Variants in EML5 observed in about 807,000 individuals in gnomAD.
EML5 encodes EMAP like 5.
Under a neutral mutation model 250.0 loss-of-function variants are expected in EML5, and 120 were observed. That is an observed-to-expected ratio of 0.48 (90% CI 0.41 to 0.56). The LOEUF (loss-of-function observed/expected upper bound fraction) is 0.56, where lower values mean the gene tolerates loss of function less well. Among genes scored for constraint, EML5 ranks in the 20% least tolerant of loss-of-function variants. The pLI is 0.00. For missense variants in EML5, 2,006 were observed against 2,437.6 expected, an observed-to-expected ratio of 0.82 and a Z score of 3.73; for synonymous variants, 771 against 806.5, an observed-to-expected ratio of 0.96 and a Z score of 0.75.
intron 14 of EML5, among the ~76,000 whole-genome samples, chr14:88,701,951 C>T (rs2093219901): frequency 6.6e-6 from 1 of 151,994 alleles, no homozygotes; most frequent in Admixed American, 6.6e-5. Context: ...TAAGAATATC[C>T]ATATAGAGAG....
chr14:88,744,485 C>T (rs1189900781), intron 3 of EML5, among the ~76,000 whole-genome samples: 1 of 151,870 alleles, frequency 6.6e-6, no homozygotes, highest in African/African-American at 2.4e-5. Flanking sequence ...ATAAGAAACA[C>T]CTTTATAGCT....
intron 21 of EML5, among the ~76,000 whole-genome samples, chr14:88,673,177 G>C (rs1006032938): frequency 1.3e-5 from 2 of 152,096 alleles, no homozygotes; most frequent in Non-Finnish European, 2.9e-5. Flanking sequence ...GCACATCAAA[G>C]ATTATCCACC....
chr14:88,659,361 C>A (rs1439338720), intron 25 of EML5, among the ~76,000 whole-genome samples: 1 of 152,042 alleles, frequency 6.6e-6, no homozygotes, highest in Non-Finnish European at 1.5e-5. Flanking sequence ...CAGGGACCCG[C>A]CACCGTGCCC....
At chr14:88,664,253 G>C (rs2092234053) in intron 23 of EML5, among the ~76,000 whole-genome samples, 1 of 147,682 alleles carries the variant, frequency 6.8e-6, no homozygotes, top group South Asian at 2.2e-4. Flanking sequence ...TTCCAGCCTG[G>C]GTGACAGAGT....
At chr14:88,692,047 G>A (rs1473417179) in intron 17 of EML5, among the ~76,000 whole-genome samples, 2 of 152,100 alleles carry the variant, frequency 1.3e-5, no homozygotes, top group African/African-American at 4.8e-5. Flanking sequence ...TTGCATCTGT[G>A]GATTTAATAA....
intron 33 of EML5, among the ~76,000 whole-genome samples, chr14:88,633,022 T>TA (rs1271579799): frequency 2.6e-5 from 4 of 152,168 alleles, no homozygotes; most frequent in Non-Finnish European, 5.9e-5. Flanking sequence ...CTGTTCAATG[T>TA]AATAAACTAA....
At position 88,746,203 on chromosome 14, in the gene EML5, A is replaced by G; in HGVS notation, c.438T>C (p.Ala146=). Residue 146 remains alanine, a synonymous_variant, in exon 3 of 44, where the codon GCT becomes GCC. Transcript: ENST00000554922. ...DWKRGKMLSM[A]PGHTDRIFDI... is the part of the protein sequence containing the mutation. ...TACTTACTCTATCTGTATGACCAGG[A>G]GCCATAGACAACATTTTTCCCCTTT... 1.9e-6 allele frequency: 3 copies of G among 1,612,876 alleles called. No individual in the cohort carries two copies. The highest frequency in any genetic ancestry group is 2.5e-6 in the Non-Finnish European group (3 of 1,179,114).
chr14:88,769,207 C>A (rs1020384889), intron 1 of EML5, among the ~76,000 whole-genome samples: 2 of 152,110 alleles, frequency 1.3e-5, no homozygotes, highest in Admixed American at 1.3e-4. Flanking sequence ...GGAGGTGGAG[C>A]CTGATAGGAG....
intron 24 of EML5, among the ~76,000 whole-genome samples, chr14:88,662,353 T>TC (rs1555430025): frequency 7.0e-6 from 1 of 142,280 alleles, no homozygotes; most frequent in Non-Finnish European, 1.5e-5. Flanking sequence ...TTTTTTTTTT[T>TC]TTTTTTTTTT....
intron 7 of EML5, among the ~76,000 whole-genome samples, chr14:88,731,913 GTTGT>G (rs1006489427): frequency 2.6e-5 from 4 of 152,010 alleles, no homozygotes; most frequent in African/African-American, 9.7e-5. Context: ...TCTTGATGGG[GTTGT>G]TTTTTTCTAG....
Position 88,696,953 on chromosome 14 carries a change from C to A in EML5, c.2239-1G>T. 1.3e-6 allele frequency: 2 copies of A among 1,551,614 alleles called. No homozygotes were observed. The highest frequency in any genetic ancestry group is 1.2e-5 in the South Asian group (1 of 80,142). On this transcript the variant is annotated splice_acceptor_variant, in intron 14 of 43. Transcript: ENST00000554922. LOFTEE classifies it high-confidence loss of function. ...TATGAATTGAGGGATCTCTACCAAC[C>A]TAAAATAGAATTATAGAAGCTATTA...
rs958385566 is a variant in EML5, at chr14:88,792,866, C to A, written c.-363G>T. ...CGCCCGCGCACGCAGCTCCCAGCCC[C>A]GGTCACCTGCGGCGCTCGCGCCCCG... On this transcript the variant is annotated 5_prime_UTR_variant, in exon 1 of 44. Transcript: ENST00000554922. The surrounding 1 kb of genome is among the most constrained non-coding windows in gnomAD (Gnocchi z 6.9). 2.4e-6 allele frequency: 1 copy of A among 414,952 alleles called. No homozygotes were observed. The highest frequency in any genetic ancestry group is 3.2e-6 in the Non-Finnish European group (1 of 308,040). 25.7% of individuals were successfully genotyped at this position (414,952 alleles called of 1,614,324 possible).
chr14:88,695,329 T>C (rs774534611), intron 16 of EML5, 32 bp downstream of exon 16: 20 of 1,556,566 alleles, frequency 1.3e-5, no homozygotes, highest in Non-Finnish European at 1.7e-5. Context: ...ATTCTAGTAT[T>C]TTGCAAATGT....
In EML5 at chr14:88,661,662, G is replaced by C; in HGVS notation, c.3667C>G (p.Pro1223Ala). ...TAAAGAAAAACACATACTTTAGTAG[G>C]ATATCTAAATAACTTCACAAATCCC... Reference protein sequence around the residue: ...DLGFVKLFRYPTKGKFGKFKR... With the variant: ...DLGFVKLFRYATKGKFGKFKR... The change falls in exon 25 of 44, where the codon CCT becomes GCT. Residue 1223 changes from proline (P) to alanine (A), a missense_variant. This residue lies in a region of EML5 where 1,375 missense variants were observed against 1,590.3 expected (regional missense o/e 0.86). Transcript: ENST00000554922. 1.2e-6 allele frequency: 2 copies of C among 1,611,842 alleles called. No individual in the cohort carries two copies. The highest frequency in any genetic ancestry group is 1.7e-6 in the Non-Finnish European group (2 of 1,179,040).
At chr14:88,789,560 C>CCACCAACA (rs1566808293) in intron 1 of EML5, among the ~76,000 whole-genome samples, 19 of 66,610 alleles carry the variant, frequency 2.9e-4, no homozygotes, top group South Asian at 6.6e-4. Flanking sequence ...TCAGCCTTTA[C>CCACCAACA]TGAGAAAATG....
intron 2 of EML5, among the ~76,000 whole-genome samples, chr14:88,751,535 G>T (rs1373858833): frequency 2.0e-5 from 3 of 151,506 alleles, no homozygotes; most frequent in Admixed American, 6.6e-5. Flanking sequence ...GTTTTTTTTT[G>T]ATAGTGTTCG....
chr14:88,668,177 A>G (rs987697708), intron 21 of EML5, among the ~76,000 whole-genome samples: 2 of 152,228 alleles, frequency 1.3e-5, no homozygotes, highest in Admixed American at 6.5e-5. Context: ...GCTAGTTAGC[A>G]ATTCTTTTTA....
Position 88,614,244 on chromosome 14 carries a change from T to G in EML5, c.*1574A>C, listed in dbSNP as rs1390485951. 6.6e-6 allele frequency: 1 copy of G among 152,204 alleles called. No individual in the cohort carries two copies. Among genetic ancestry groups the G allele is most frequent in the Admixed American group, 6.5e-5 (1 of 15,280 alleles). The allele number at this position is 152,204 out of a possible 1,614,324, so 9.4% of individuals were successfully genotyped here. ...AATTTATTGACTGACTGTAAATACATGAGTAGAAACTTAATAGTCATGTAT... is the reference window on the plus strand; with the variant it reads ...AATTTATTGACTGACTGTAAATACAGGAGTAGAAACTTAATAGTCATGTAT... On this transcript the variant is annotated 3_prime_UTR_variant, in exon 44 of 44. Coordinates refer to ENST00000554922, the MANE Select transcript of EML5 (RefSeq NM_183387.3).
intron 1 of EML5, among the ~76,000 whole-genome samples, chr14:88,789,044 C>T (rs747253041): frequency 2.0e-5 from 3 of 150,706 alleles, no homozygotes; most frequent in African/African-American, 4.9e-5. Flanking sequence ...GCCTGTGTGA[C>T]GCAGAGCAAG....
Sources: gnomAD v4.1 joint callset for allele counts (sites outside exome capture counted in the v4.1 genomes callset) on GRCh38, gnomAD v4.1.1 for gene constraint, gnomAD v4.1.1 regional missense constraint, Gnocchi (gnomAD v3.1) non-coding constraint, MANE v1.5 for transcripts, NCBI Gene and HGNC (gene_info 2026-07-23, HGNC 2026-07-21) for gene names.